Variants in PTPN6 observed in about 807,000 individuals in gnomAD.
PTPN6 encodes tyrosine-protein phosphatase non-receptor type 6.
PTPN6 carries 18 observed loss-of-function variants against 81.5 expected under a neutral mutation model. The ratio of observed to expected loss-of-function variants is 0.22; its 90% CI spans 0.15 to 0.33. The LOEUF (loss-of-function observed/expected upper bound fraction) is 0.33, where lower values mean the gene tolerates loss of function less well. Ranked by LOEUF, PTPN6 falls within the 10% of genes least tolerant of loss-of-function variation. PTPN6 has a pLI of 1.00. For synonymous variants in PTPN6, 301 were observed against 310.9 expected (o/e 0.97, Z 0.33); for missense variants, 500 against 794.2 (o/e 0.63, Z 4.45).
chr12:6,953,498 G>C (rs1433850778), intron 3 of PTPN6: 1 of 152,348 alleles, frequency 6.6e-6, no homozygotes, highest in Non-Finnish European at 1.5e-5. Context: ...GTTAAGACCA[G>C]GGAAGCCGCA....
Position 6,954,862 on chromosome 12 carries a change from C to A in PTPN6, c.384C>A (p.Gly128=), listed in dbSNP as rs377246131. The change falls in exon 4 of 16, where the codon GGC becomes GGA. Residue 128 remains glycine (G), a synonymous_variant. Transcript: ENST00000318974. This position sits in a 1 kb window ranked among gnomAD's most constrained non-coding sequence, Gnocchi z 5.4. ...CAGAGACGCTGCTGCAGGCCAAGGG[C>A]GAGCCCTGGACGTTTCTTGTGCGTG... ...GQAETLLQAK[G]EPWTFLVRES... is the part of the protein sequence containing the mutation. 1.9e-6 allele frequency: 3 copies of A among 1,614,180 alleles called. No homozygotes were observed. In the Admixed American group the frequency reaches 5.0e-5, roughly 27 times the overall value.
In PTPN6 at chr12:6,956,617, C is replaced by G. The variant is rs894464200; in HGVS notation, c.1074+49C>G. ...ATCCGCCCCCGTGCTTGTGGTCATGCCATTAAGTCGAAGAGCAGTCAGATG... is the reference window on the plus strand; with the variant it reads ...ATCCGCCCCCGTGCTTGTGGTCATGGCATTAAGTCGAAGAGCAGTCAGATG... On this transcript the variant is annotated intron_variant, in intron 9 of 15. Transcript: ENST00000318974. This position sits in a 1 kb window ranked among gnomAD's most constrained non-coding sequence, Gnocchi z 4.1. The G allele has an allele frequency of 5.0e-6, 8 of 1,610,016 alleles. No homozygotes were observed. The highest frequency in any genetic ancestry group is 5.9e-6 in the Non-Finnish European group (7 of 1,178,450).
rs1555148736 is a variant in PTPN6 at position 6,956,544 on chromosome 12, C to G, written c.1050C>G (p.Thr350=). 1.2e-6 allele frequency: 2 copies of G among 1,613,922 alleles called. No individual in the cohort carries two copies. The highest frequency in any genetic ancestry group is 1.7e-5 in the Admixed American group (1 of 60,022). The stretch of plus-strand genomic sequence containing the variant: ...AGAACAGCCGTGTCATCGTCATGAC[C>G]ACCCGAGAGGTGGAGAAAGGCCGGG... ...WQENSRVIVM[T]TREVEKGRNK... is the part of the protein sequence containing the mutation. Residue 350 remains threonine (T), a synonymous_variant, in exon 9 of 16, where the codon ACC becomes ACG. Transcript: ENST00000318974. The surrounding 1 kb of genome is among the most constrained non-coding windows in gnomAD (Gnocchi z 4.1).
upstream of PTPN6, among the ~76,000 whole-genome samples, chr12:6,947,706 T>C (rs1202432239): frequency 6.7e-6 from 1 of 150,128 alleles, no homozygotes; most frequent in Non-Finnish European, 1.5e-5. Flanking sequence ...ACCAGCTTCA[T>C]ATGCTAGCAA....
In PTPN6 at chr12:6,958,008, C is replaced by G; in HGVS notation, c.1296C>G (p.Phe432Leu). The G allele has an allele frequency of 6.2e-7, 1 of 1,613,638 alleles. No homozygotes were observed. Among genetic ancestry groups the G allele is most frequent in the Non-Finnish European group, 8.5e-7 (1 of 1,180,036 alleles). ...GTGAGCCTGGGGGTGTCCTCAGCTT[C>G]CTGGACCAGATCAACCAGCGGCAGG... Reference protein sequence around the residue: ...VPSEPGGVLSFLDQINQRQES... With the variant: ...VPSEPGGVLSLLDQINQRQES... Residue 432 changes from phenylalanine to leucine, a missense_variant, in exon 11 of 16, where the codon TTC (phenylalanine) becomes TTG (leucine). Around this residue, in one of 6 missense-constraint regions of PTPN6, gnomAD observed 226 missense variants for 364.4 expected, o/e 0.62. Transcript: ENST00000318974.
chr12:6,956,440 G>A lies in PTPN6; in HGVS notation c.946G>A (p.Glu316Lys), dbSNP rs1198645982. The change falls in exon 9 of 16, where the codon GAG becomes AAG. Residue 316 changes from glutamate (E) to lysine (K), a missense_variant. Glu to Lys is a moderately conservative substitution (Grantham distance 56, BLOSUM62 1). Transcript: ENST00000318974. The surrounding 1 kb of genome is among the most constrained non-coding windows in gnomAD (Gnocchi z 4.1). Reference sequence around the variant, plus strand: ...CCAGAACCAGCTGCTAGGCCCTGATGAGAACGCTAAGACCTACATCGCCAG... The same window carrying A: ...CCAGAACCAGCTGCTAGGCCCTGATAAGAACGCTAAGACCTACATCGCCAG... ...YIKNQLLGPD[E>K]NAKTYIASQG... 3 of 1,614,040 alleles carry A rather than the reference G, an allele frequency of 1.9e-6. No homozygotes were observed. The highest frequency in any genetic ancestry group is 2.7e-5 in the African/African-American group (2 of 74,938).
At position 6,957,574 on chromosome 12, in the gene PTPN6, C is replaced by G. The variant is rs868988356; in HGVS notation, c.1075-80C>G. On this transcript the variant is annotated intron_variant, in intron 9 of 15. Coordinates refer to ENST00000318974, the MANE Select transcript of PTPN6 (RefSeq NM_002831.6). This position sits in a 1 kb window ranked among gnomAD's most constrained non-coding sequence, Gnocchi z 6.5. ...CAAATGTTTGGGCCGGTGCCAGGCA[C>G]TCAGAACATAGAGCAGGACCTGGGA... The G allele has an allele frequency of 1.0e-5, 16 of 1,549,360 alleles. No homozygotes were observed. Among genetic ancestry groups the G allele is most frequent in the Middle Eastern group, 4.1e-4 (2 of 4,858 alleles).
upstream of PTPN6, among the ~76,000 whole-genome samples, chr12:6,949,316 C>T (rs782192368): frequency 2.6e-5 from 4 of 152,346 alleles, no homozygotes; most frequent in African/African-American, 4.8e-5. Flanking sequence ...GGACTCTGTG[C>T]GTGCCACCTC....
At position 6,957,718 on chromosome 12, in the gene PTPN6, C is replaced by T; in HGVS notation, c.1139C>T (p.Thr380Ile). Residue 380 changes from threonine (T) to isoleucine (I), a missense_variant, in exon 10 of 16, where the codon ACC (threonine) becomes ATC (isoleucine). Coordinates refer to ENST00000318974, the MANE Select transcript of PTPN6 (RefSeq NM_002831.6). The surrounding 1 kb of genome is among the most constrained non-coding windows in gnomAD (Gnocchi z 6.5). Reference sequence around the variant, plus strand: ...CGTGCTTATGGGCCCTACTCTGTGACCAACTGCGGGGAGCATGACACAACC... The same window carrying T: ...CGTGCTTATGGGCCCTACTCTGTGATCAACTGCGGGGAGCATGACACAACC... ...MQRAYGPYSV[T>I]NCGEHDTTEY... 1.2e-6 allele frequency: 2 copies of T among 1,612,694 alleles called. No individual in the cohort carries two copies. Among genetic ancestry groups the T allele is most frequent in the Non-Finnish European group, 1.7e-6 (2 of 1,179,188 alleles).
Position 6,956,719 on chromosome 12 carries a change from T to C in PTPN6, c.1074+151T>C, listed in dbSNP as rs1014695356. ...TGAGGGCTAGTGACAAAGTCTCGAC[T>C]ACACAACGTGACCCCCAGATCCCTG... On this transcript the variant is annotated intron_variant, in intron 9 of 15. Coordinates refer to ENST00000318974, the MANE Select transcript of PTPN6 (RefSeq NM_002831.6). This position sits in a 1 kb window ranked among gnomAD's most constrained non-coding sequence, Gnocchi z 4.1. 4.7e-6 allele frequency: 5 copies of C among 1,060,690 alleles called. No individual in the cohort carries two copies. In the African/African-American group the frequency reaches 7.8e-5, roughly 17 times the overall value. 65.7% of individuals were successfully genotyped at this position (1,060,690 alleles called of 1,614,324 possible). A position where few individuals can be genotyped will look rare whatever the true frequency, so the allele number is the denominator to read the frequency against.
Position 6,955,607 on chromosome 12 carries a change from C to G in PTPN6, c.748-53C>G. 1.3e-6 allele frequency: 2 copies of G among 1,588,008 alleles called. No individual in the cohort carries two copies. Among genetic ancestry groups the G allele is most frequent in the South Asian group, 2.2e-5 (2 of 90,518 alleles). ...CCTGACCCACCCCACGTGAGCTCCC[C>G]CGATGGATGCCCTCTTTGGGAGCTG... On this transcript the variant is annotated intron_variant, in intron 6 of 15. Transcript: ENST00000318974. The surrounding 1 kb of genome is among the most constrained non-coding windows in gnomAD (Gnocchi z 7.2).
rs1555149438 is a variant in PTPN6, at chr12:6,960,053, T to G, written c.1430-35T>G. On this transcript the variant is annotated intron_variant, in intron 12 of 15. Transcript: ENST00000318974. The surrounding 1 kb of genome is among the most constrained non-coding windows in gnomAD (Gnocchi z 6.1). ...TGAGCAGCCCCTCGGTGTCCGCCTATGCCTGGACCTGAGGTTTGACTGCCC... is the reference window on the plus strand; with the variant it reads ...TGAGCAGCCCCTCGGTGTCCGCCTAGGCCTGGACCTGAGGTTTGACTGCCC... 1.2e-6 allele frequency: 2 copies of G among 1,613,168 alleles called. No individual in the cohort carries two copies. The highest frequency in any genetic ancestry group is 1.7e-6 in the Non-Finnish European group (2 of 1,179,942).
At position 6,956,177 on chromosome 12, in the gene PTPN6, A is replaced by G. The variant is rs1378668798; in HGVS notation, c.880A>G (p.Ser294Gly). The G allele has an allele frequency of 3.7e-6, 6 of 1,614,098 alleles. No homozygotes were observed. The African/African-American group carries it at 4.0e-5, about 11-fold the overall frequency. Residue 294 changes from serine (S) to glycine (G), a missense_variant, in exon 8 of 16, where the codon AGT becomes GGT. Transcript: ENST00000318974. This position sits in a 1 kb window ranked among gnomAD's most constrained non-coding sequence, Gnocchi z 4.1. ...CCGAGTGATCCTGCAGGGACGGGAC[A>G]GTAACATCCCCGGGTCCGACTACAT... ...HSRVILQGRD[S>G]NIPGSDYINA... is the part of the protein sequence containing the mutation.
chr12:6,955,159 C>T lies in PTPN6; in HGVS notation c.525C>T (p.Arg175=), dbSNP rs1555148374. The change falls in exon 5 of 16, where the codon CGC becomes CGT. Residue 175 remains arginine, a synonymous_variant. Transcript: ENST00000318974. This position sits in a 1 kb window ranked among gnomAD's most constrained non-coding sequence, Gnocchi z 7.2. Reference sequence around the variant, plus strand: ...AATTTGGCTCCCCCCAGGGTGGACGCTACACAGTGGGTGGTTTGGAGACCT... The same window carrying T: ...AATTTGGCTCCCCCCAGGGTGGACGTTACACAGTGGGTGGTTTGGAGACCT... ...THIKVMCEGG[R]YTVGGLETFD... 6.2e-7 allele frequency: 1 copy of T among 1,614,162 alleles called. No homozygotes were observed. Among genetic ancestry groups the T allele is most frequent in the South Asian group, 1.1e-5 (1 of 91,088 alleles).
chr12:6,954,771 T>G lies in PTPN6; in HGVS notation c.327-34T>G. The stretch of plus-strand genomic sequence containing the variant: ...CTGCTCAGCGCCTTCCCCTGTGGCC[T>G]GGGTCTTACCTTCCCTGACGCTGCC... On this transcript the variant is annotated intron_variant, in intron 3 of 15. Coordinates refer to ENST00000318974, the MANE Select transcript of PTPN6 (RefSeq NM_002831.6). The surrounding 1 kb of genome is among the most constrained non-coding windows in gnomAD (Gnocchi z 5.4). 6.2e-7 allele frequency: 1 copy of G among 1,605,304 alleles called. No individual in the cohort carries two copies.
chr12:6,946,669 T>TGGCTC (rs1945822802), upstream of PTPN6: 1 of 1,472,830 alleles, frequency 6.8e-7, no homozygotes, highest in Non-Finnish European at 9.5e-7. Flanking sequence ...GCTGTGCCGC[T>TGGCTC]GGCTCAGCCC....
upstream of PTPN6, among the ~76,000 whole-genome samples, chr12:6,950,899 C>T (rs1403715178): frequency 1.3e-5 from 2 of 152,174 alleles, no homozygotes; most frequent in East Asian, 3.8e-4. Flanking sequence ...TAAAGATAGC[C>T]CCTGTTTCAT....
chr12:6,959,822 G>A lies in PTPN6; in HGVS notation c.1362-105G>A. ...GGCACATTCCCTCCCATCACTGGAG[G>A]CTCAGGCTGCTCCTGTGGTGCCTGG... On this transcript the variant is annotated intron_variant, in intron 11 of 15. Coordinates refer to ENST00000318974, the MANE Select transcript of PTPN6 (RefSeq NM_002831.6). This position sits in a 1 kb window ranked among gnomAD's most constrained non-coding sequence, Gnocchi z 6.6. 8.2e-7 allele frequency: 1 copy of A among 1,225,766 alleles called. No homozygotes were observed. The highest frequency in any genetic ancestry group is 1.2e-6 in the Non-Finnish European group (1 of 836,968). The allele number at this position is 1,225,766 out of a possible 1,614,324, so 75.9% of individuals were successfully genotyped here. A position where few individuals can be genotyped will look rare whatever the true frequency, so the allele number is the denominator to read the frequency against.
rs1591689454 is a variant in PTPN6 at position 6,956,802 on chromosome 12, T to G, written c.1074+234T>G. Among the ~76,000 whole-genome samples the G allele has an allele frequency of 6.6e-6, 1 of 152,156 alleles. No individual in the cohort carries two copies. The highest frequency in any genetic ancestry group is 6.5e-5 in the Admixed American group (1 of 15,282). On this transcript the variant is annotated intron_variant, in intron 9 of 15. Coordinates refer to ENST00000318974, the MANE Select transcript of PTPN6 (RefSeq NM_002831.6). This position sits in a 1 kb window ranked among gnomAD's most constrained non-coding sequence, Gnocchi z 4.1. ...CCAGGTTCCAGGCTGTCCTCCTTCC[T>G]CCTACCCCTGCCCCACCTGTCTGCA...
Sources: allele counts gnomAD v4.1 joint callset (sites outside exome capture counted in the v4.1 genomes callset), GRCh38; gene constraint gnomAD v4.1.1; regional missense constraint gnomAD v4.1.1; non-coding constraint Gnocchi (gnomAD v3.1); transcripts MANE v1.5; gene names NCBI Gene and HGNC (gene_info 2026-07-23, HGNC 2026-07-21).